The following FAM240A variants were observed in gnomAD, a reference collection of about 807,000 sequenced individuals.
FAM240A encodes protein FAM240A.
FAM240A carries 8 observed loss-of-function variants against 7.3 expected under a neutral mutation model. The ratio of observed to expected loss-of-function variants is 1.09; its 90% CI spans 0.64 to 1.97. The LOEUF (loss-of-function observed/expected upper bound fraction) is 1.97, where lower values mean the gene tolerates loss of function less well. Among genes scored for constraint, FAM240A ranks in the 30% most tolerant of loss-of-function variants. The pLI, the probability that FAM240A is intolerant of heterozygous loss-of-function variation, is 0.00. For missense variants in FAM240A, 90 were observed against 102.2 expected (o/e 0.88, Z 0.52); for synonymous variants, 32 against 35.9 (o/e 0.89, Z 0.38).
chr3:46,615,973 T>TCC (rs1697625717), intron 1 of FAM240A, among the ~76,000 whole-genome samples: 1 of 152,194 alleles, frequency 6.6e-6, no homozygotes, highest in African/African-American at 2.4e-5. Flanking sequence ...AGCCTGTCAC[T>TCC]CCTCAAATAT....
At chr3:46,624,972 TA>T (rs1697740066) in intron 2 of FAM240A, among the ~76,000 whole-genome samples, 155 bp from the exon 3 acceptor site, 2 of 149,622 alleles carry the variant, frequency 1.3e-5, no homozygotes, top group African/African-American at 4.9e-5. Flanking sequence ...ATTATATATA[TA>T]TATATATATT....
intron 2 of FAM240A, among the ~76,000 whole-genome samples, chr3:46,619,843 G>T (rs1004671897): frequency 1.3e-5 from 2 of 152,168 alleles, no homozygotes; most frequent in Non-Finnish European, 2.9e-5. Flanking sequence ...CAAACACCCC[G>T]AGGCAAGGGA....
At chr3:46,621,495 C>T (rs1053600224) in intron 2 of FAM240A, among the ~76,000 whole-genome samples, 33 of 152,272 alleles carry the variant, frequency 2.2e-4, no homozygotes, top group African/African-American at 7.2e-4. Context: ...TGTCTGAGCA[C>T]GGTGGCTCAT....
chr3:46,613,016 G>T (rs1026290667), intron 1 of FAM240A, among the ~76,000 whole-genome samples: 3 of 152,184 alleles, frequency 2.0e-5, no homozygotes, highest in Non-Finnish European at 4.4e-5. Context: ...AAACCCTAAT[G>T]ACAAGATGCT....
chr3:46,612,834 T>C, intron 1 of FAM240A, 136 bp downstream of exon 1: 2 of 719,536 alleles, frequency 2.8e-6, no homozygotes, highest in Non-Finnish European at 4.8e-6. Context: ...AGATGGCGTT[T>C]TGGGCAGAGG....
intron 2 of FAM240A, among the ~76,000 whole-genome samples, chr3:46,617,819 G>A (rs542390731): frequency 2.9e-4 from 44 of 152,302 alleles, no homozygotes; most frequent in African/African-American, 1.0e-3. Flanking sequence ...ACACAAGATG[G>A]CCTGCGTGGT....
chr3:46,617,133 C>T, intron 1 of FAM240A, 50 bp from the exon 2 acceptor site: 3 of 1,205,120 alleles, frequency 2.5e-6, no homozygotes, highest in East Asian at 2.7e-5. Context: ...TGATGTTGAG[C>T]ATTTCTTCAT....
At position 46,625,212 on chromosome 3, in the gene FAM240A, T is replaced by G. The variant is rs1391595815; in HGVS notation, c.246T>G (p.Val82=). The part of the protein sequence containing the change: ...NPEDTEKRTN[V]G The stretch of plus-strand genomic sequence containing the variant: ...AGGACACTGAAAAGAGGACAAATGT[T>G]GGCTGAGAGCTTCCTGCTTCATTGA... Residue 82 remains valine (V), a synonymous_variant, in exon 3 of 3, where the codon GTT becomes GTG. Coordinates refer to ENST00000640551, the MANE Select transcript of FAM240A (RefSeq NM_001195442.2). 1 of 1,531,534 alleles carries G rather than the reference T, an allele frequency of 6.5e-7. No individual in the cohort carries two copies. Among genetic ancestry groups the G allele is most frequent in the Admixed American group, 2.0e-5 (1 of 50,664 alleles). The allele number at this position is 1,531,534 out of a possible 1,614,324, so 94.9% of individuals were successfully genotyped here.
At chr3:46,616,690 T>C (rs969742571) in intron 1 of FAM240A, among the ~76,000 whole-genome samples, 4 of 143,634 alleles carry the variant, frequency 2.8e-5, no homozygotes, top group Admixed American at 2.1e-4. Context: ...AGTATTCCAT[T>C]ACACACACAC....
At position 46,617,223 on chromosome 3, in the gene FAM240A, G is replaced by A. The variant is rs191005821; in HGVS notation, c.56G>A (p.Arg19Gln). ...TACACCCGTCGGGAGGTCTTCTGCC[G>A]GAACACCTGCCATGATCTCAAGCAT... ...NQYTRREVFC[R>Q]NTCHDLKHFW... The change falls in exon 2 of 3, where the codon CGG becomes CAG. Residue 19 changes from arginine to glutamine, a missense_variant. Physicochemically the swap from Arg to Gln is conservative, Grantham distance 43 (BLOSUM62 1). Coordinates refer to ENST00000640551, the MANE Select transcript of FAM240A (RefSeq NM_001195442.2). The A allele has an allele frequency of 2.0e-3, 3,100 of 1,534,360 alleles. 7 individuals are homozygous for A. Among genetic ancestry groups the A allele is most frequent in the Non-Finnish European group, 2.5e-3 (2,868 of 1,146,142 alleles).
chr3:46,620,755 G>A (rs953843843), intron 2 of FAM240A, among the ~76,000 whole-genome samples: 6 of 152,114 alleles, frequency 3.9e-5, no homozygotes, highest in African/African-American at 9.7e-5. Context: ...GAATGTGTGC[G>A]CTTTATTCGG....
intron 2 of FAM240A, among the ~76,000 whole-genome samples, chr3:46,620,772 A>T (rs184726272): frequency 1.3e-3 from 195 of 151,772 alleles, no homozygotes; most frequent in Non-Finnish European, 1.9e-3. Context: ...TCGGGTCCTG[A>T]TTCAACCAAC....
At chr3:46,613,144 A>C (rs1697586229) in intron 1 of FAM240A, among the ~76,000 whole-genome samples, 1 of 152,214 alleles carries the variant, frequency 6.6e-6, no homozygotes, top group East Asian at 1.9e-4. Context: ...CACTCATATA[A>C]AATGTAGAGT....
intron 1 of FAM240A, among the ~76,000 whole-genome samples, chr3:46,616,450 A>T (rs1697629489): frequency 6.6e-6 from 1 of 152,198 alleles, no homozygotes. Flanking sequence ...CAAATAGTGT[A>T]CATGGCACCC....
chr3:46,622,397 C>CAT (rs1697708274), intron 2 of FAM240A, among the ~76,000 whole-genome samples: 2 of 152,124 alleles, frequency 1.3e-5, no homozygotes, highest in East Asian at 1.9e-4. Flanking sequence ...TGAGCCACCG[C>CAT]GCCCGGCTGA....
chr3:46,625,310 C>A lies in FAM240A; in HGVS notation c.*92C>A. The A allele has an allele frequency of 1.2e-6, 1 of 858,242 alleles. No homozygotes were observed. Among genetic ancestry groups the A allele is most frequent in the Non-Finnish European group, 1.8e-6 (1 of 552,152 alleles). The allele number at this position is 858,242 out of a possible 1,614,324, so 53.2% of individuals were successfully genotyped here. A position where few individuals can be genotyped will look rare whatever the true frequency, so the allele number is the denominator to read the frequency against. On this transcript the variant is annotated 3_prime_UTR_variant, in exon 3 of 3. Coordinates refer to ENST00000640551, the MANE Select transcript of FAM240A (RefSeq NM_001195442.2). ...AAATTCCTGAGTCCCTTTGCTATAC[C>A]AATCAGCTCTCACACTATTGTTTCC... is the stretch of plus-strand genomic sequence containing the variant.
chr3:46,621,780 A>G (rs1421525762), intron 2 of FAM240A, among the ~76,000 whole-genome samples: 2 of 151,870 alleles, frequency 1.3e-5, no homozygotes, highest in African/African-American at 4.9e-5. Context: ...TTCTCAAAAA[A>G]AAAAAAACTA....
At chr3:46,617,917 G>A (rs914438934) in intron 2 of FAM240A, among the ~76,000 whole-genome samples, 27 of 152,180 alleles carry the variant, frequency 1.8e-4, no homozygotes, top group Admixed American at 7.9e-4. Flanking sequence ...AGTGACTCCC[G>A]TGGGCAAACG....
At position 46,625,133 on chromosome 3, in the gene FAM240A, G is replaced by T. The variant is rs1003780042; in HGVS notation, c.167G>T (p.Arg56Ile). 1.3e-6 allele frequency: 2 copies of T among 1,534,374 alleles called. No individual in the cohort carries two copies. The highest frequency in any genetic ancestry group is 1.7e-6 in the Non-Finnish European group (2 of 1,145,832). ...TGTTTGGTTTCTATTTTCAGGCTCA[G>T]AGAAGAATGGAAGCAGAGGCTGGAA... ...RLGRSALRKL[R>I]EEWKQRLETK... The change falls in exon 3 of 3, where the codon AGA becomes ATA. Residue 56 changes from arginine to isoleucine, a missense_variant. Arg to Ile is a moderately conservative substitution (Grantham distance 97). Transcript: ENST00000640551.
Sources: gnomAD v4.1 joint callset for allele counts (sites outside exome capture counted in the v4.1 genomes callset) on GRCh38, gnomAD v4.1.1 for gene constraint, MANE v1.5 for transcripts, NCBI Gene and HGNC (gene_info 2026-07-23, HGNC 2026-07-21) for gene names.